The following SOX6 variants were observed in gnomAD, a reference collection of about 807,000 sequenced individuals.
SOX6 encodes SRY-box transcription factor 6, also known as transcription factor SOX-6.
Under a neutral mutation model 97.8 loss-of-function variants are expected in SOX6, and 11 were observed. The ratio of observed to expected loss-of-function variants is 0.11; its 90% CI spans 0.07 to 0.19. SOX6 has a LOEUF of 0.19. SOX6 is among the 10% of genes least tolerant of loss of function. The pLI, the probability that SOX6 is intolerant of heterozygous loss-of-function variation, is 1.00. For synonymous variants in SOX6, 360 were observed against 371.4 expected (o/e 0.97, Z 0.35); for missense variants, 810 against 1,039.5 (o/e 0.78, Z 3.04).
At chr11:16,497,817 T>G (rs1860629694) in intron 4 of SOX6, among the ~76,000 whole-genome samples, 1 of 152,098 alleles carries the variant, frequency 6.6e-6, no homozygotes, top group Non-Finnish European at 1.5e-5. Context: ...TGGGACTATG[T>G]GAAAAGACCA....
At chr11:16,452,269 C>A (rs1271560923) in intron 1 of SOX6, among the ~76,000 whole-genome samples, 1 of 152,168 alleles carries the variant, frequency 6.6e-6, no homozygotes, top group Non-Finnish European at 1.5e-5. Context: ...GGCAGCCTCT[C>A]ACATATGAGT....
intron 6 of SOX6, among the ~76,000 whole-genome samples, chr11:16,167,031 A>G (rs1235492739): frequency 6.6e-6 from 1 of 152,200 alleles, no homozygotes; most frequent in Non-Finnish European, 1.5e-5. Flanking sequence ...TTCAGTCCTT[A>G]TCTGTCCTCT....
intron 4 of SOX6, among the ~76,000 whole-genome samples, chr11:16,529,564 C>T (rs1861211884): frequency 6.6e-6 from 1 of 152,056 alleles, no homozygotes. Context: ...CATTTGTCCC[C>T]AAATGTTGCT....
intron 4 of SOX6, among the ~76,000 whole-genome samples, chr11:16,558,181 T>G (rs1847769460): frequency 1.3e-5 from 2 of 151,964 alleles, no homozygotes; most frequent in African/African-American, 4.8e-5. Flanking sequence ...ATAGTAGGAC[T>G]AGGATAGCTC....
At chr11:16,620,481 T>C (rs1848530124) in intron 3 of SOX6, among the ~76,000 whole-genome samples, 1 of 152,164 alleles carries the variant, frequency 6.6e-6, no homozygotes, top group African/African-American at 2.4e-5. Flanking sequence ...CTACATTATG[T>C]TGCCCTGGTT....
chr11:16,437,899 G>C (rs1859415090), intron 1 of SOX6, among the ~76,000 whole-genome samples: 1 of 152,186 alleles, frequency 6.6e-6, no homozygotes, highest in African/African-American at 2.4e-5. Flanking sequence ...TATGGTATAT[G>C]CTCAATAAAA....
intron 9 of SOX6, among the ~76,000 whole-genome samples, chr11:16,085,439 A>G (rs1278460113): frequency 6.6e-6 from 1 of 152,200 alleles, no homozygotes; most frequent in African/African-American, 2.4e-5. Flanking sequence ...AAATTCAATG[A>G]AGTAATACCT....
intron 4 of SOX6, among the ~76,000 whole-genome samples, chr11:16,504,978 G>A (rs1184649799): frequency 1.3e-5 from 2 of 152,096 alleles, no homozygotes; most frequent in East Asian, 1.9e-4. Flanking sequence ...CCCAGTTTCA[G>A]GTATTTCTTT....
chr11:16,378,235 G>A (rs1857697045), intron 1 of SOX6, among the ~76,000 whole-genome samples: 1 of 152,022 alleles, frequency 6.6e-6, no homozygotes, highest in African/African-American at 2.4e-5. Flanking sequence ...TGTCCTTAAA[G>A]TAAAATACAA....
intron 1 of SOX6, among the ~76,000 whole-genome samples, chr11:16,410,489 G>C (rs1858782165): frequency 6.6e-6 from 1 of 152,112 alleles, no homozygotes; most frequent in Non-Finnish European, 1.5e-5. Context: ...AGGCATGATG[G>C]CTCACGCCTA....
chr11:16,341,213 A>G lies in SOX6; in HGVS notation c.36T>C (p.Cys12=). Reference sequence around the variant, plus strand: ...TCATTGCATCCTCTCCATCAGCTGCACAGGCAAATGGAGAGGTGGCTTGCT... The same window carrying G: ...TCATTGCATCCTCTCCATCAGCTGCGCAGGCAAATGGAGAGGTGGCTTGCT... ...SSKQATSPFA[C]AADGEDAMTQ... Residue 12 remains cysteine (C), a synonymous_variant, in exon 2 of 16, where the codon TGT becomes TGC. Coordinates refer to ENST00000683767, the MANE Select transcript of SOX6 (RefSeq NM_001367873.1). 1 of 1,613,412 alleles carries G rather than the reference A, an allele frequency of 6.2e-7. No homozygotes were observed. The highest frequency in any genetic ancestry group is 8.5e-7 in the Non-Finnish European group (1 of 1,179,570).
intron 2 of SOX6, among the ~76,000 whole-genome samples, chr11:16,726,143 T>C (rs1210178918): frequency 6.6e-6 from 1 of 152,174 alleles, no homozygotes; most frequent in Non-Finnish European, 1.5e-5. Flanking sequence ...GCATGGTGGT[T>C]CACGCCTATA....
chr11:16,624,519 C>G (rs1165171417), intron 3 of SOX6, among the ~76,000 whole-genome samples: 2 of 152,052 alleles, frequency 1.3e-5, no homozygotes, highest in African/African-American at 2.4e-5. Flanking sequence ...TATATATGAC[C>G]ATTTATTTAT....
intron 3 of SOX6, among the ~76,000 whole-genome samples, chr11:16,705,486 G>T (rs549547965): frequency 6.6e-6 from 1 of 152,124 alleles, no homozygotes; most frequent in Admixed American, 6.5e-5. Flanking sequence ...AATTAGCTAG[G>T]CATAGTGGCA....
At chr11:16,707,518 T>C (rs1721901648) in intron 3 of SOX6, among the ~76,000 whole-genome samples, 1 of 152,174 alleles carries the variant, frequency 6.6e-6, no homozygotes, top group Non-Finnish European at 1.5e-5. Context: ...AATGATTTAT[T>C]GAGGTAAATA....
chr11:15,992,157 T>C (rs1854073556), intron 13 of SOX6, among the ~76,000 whole-genome samples: 1 of 152,228 alleles, frequency 6.6e-6, no homozygotes, highest in South Asian at 2.1e-4. Flanking sequence ...TTAGATCATG[T>C]GCACATTGCT....
chr11:15,979,827 C>T (rs1262997816), intron 15 of SOX6, among the ~76,000 whole-genome samples: 1 of 152,010 alleles, frequency 6.6e-6, no homozygotes, highest in South Asian at 2.1e-4. Flanking sequence ...TAAAATTGCA[C>T]CCTATAAGCT....
chr11:16,355,466 A>C lies in SOX6; in HGVS notation c.-5+628T>G, dbSNP rs1359655257. ...TTTATATAAATAATACTTTCAATAC[A>C]TAGTTATAGCATTAAATACTATAAA... On this transcript the variant is annotated intron_variant, in intron 1 of 15. Transcript: ENST00000683767. Among the ~76,000 whole-genome samples the C allele has an allele frequency of 2.0e-5, 3 of 152,190 alleles. No homozygotes were observed. In the South Asian group the frequency reaches 6.2e-4, roughly 32 times the overall value.
chr11:16,278,132 A>G (rs1179802263), intron 3 of SOX6, among the ~76,000 whole-genome samples: 1 of 152,174 alleles, frequency 6.6e-6, no homozygotes, highest in Non-Finnish European at 1.5e-5. Context: ...TATCTCAACC[A>G]TTTAAAGAGG....
Sources: gnomAD v4.1 joint callset for allele counts (sites outside exome capture counted in the v4.1 genomes callset) on GRCh38, gnomAD v4.1.1 for gene constraint, MANE v1.5 for transcripts, NCBI Gene and HGNC (gene_info 2026-07-23, HGNC 2026-07-21) for gene names.